The following KALRN variants were observed in gnomAD, a reference collection of about 807,000 sequenced individuals.
KALRN encodes the protein kalirin.
In KALRN, 70 loss-of-function variants were observed where a neutral mutation model predicts 353.7. The observed-to-expected ratio is 0.20, with a 90% CI of 0.16 to 0.24. The LOEUF is 0.24. Ranked by LOEUF, KALRN falls within the 10% of genes least tolerant of loss-of-function variation. The pLI, the probability that KALRN is intolerant of heterozygous loss-of-function variation, is 1.00. For missense variants in KALRN, 2,791 were observed against 3,756.7 expected, an observed-to-expected ratio of 0.74 and a Z score of 6.72; for synonymous variants, 1,391 against 1,434.8, an observed-to-expected ratio of 0.97 and a Z score of 0.69.
At chr3:124,641,752 C>G (rs1318965675) in intron 37 of KALRN, among the ~76,000 whole-genome samples, 1 of 152,214 alleles carries the variant, frequency 6.6e-6, no homozygotes, top group Non-Finnish European at 1.5e-5. Context: ...TCATCCTTAT[C>G]TCCTGTAGCT....
intron 1 of KALRN, among the ~76,000 whole-genome samples, chr3:124,111,059 C>T (rs750606736): frequency 6.6e-6 from 1 of 152,170 alleles, no homozygotes; most frequent in Non-Finnish European, 1.5e-5. Flanking sequence ...CCTAGAAATT[C>T]TTTATCTTGT....
chr3:124,428,979 A>G (rs933434980), intron 15 of KALRN, among the ~76,000 whole-genome samples: 1 of 152,226 alleles, frequency 6.6e-6, no homozygotes, highest in South Asian at 2.1e-4. Flanking sequence ...GCAGTGAATC[A>G]TGGCAGAGGG....
chr3:124,595,955 G>A (rs957528335), intron 34 of KALRN, among the ~76,000 whole-genome samples: 9 of 152,160 alleles, frequency 5.9e-5, no homozygotes, highest in Non-Finnish European at 1.0e-4. Context: ...TGATGATTAC[G>A]AACTTGGAAT....
chr3:124,175,686 C>T (rs952709587), intron 1 of KALRN, among the ~76,000 whole-genome samples: 1 of 151,294 alleles, frequency 6.6e-6, no homozygotes, highest in South Asian at 2.1e-4. Flanking sequence ...TGGAGATGTG[C>T]GCTGCCCAGG....
intron 1 of KALRN, among the ~76,000 whole-genome samples, chr3:124,045,049 A>G (rs1383719865): frequency 6.6e-6 from 1 of 152,118 alleles, no homozygotes; most frequent in Non-Finnish European, 1.5e-5. Flanking sequence ...TCCATCTTTT[A>G]TACTCTTACC....
chr3:124,445,509 A>G (rs2093807500), intron 19 of KALRN, among the ~76,000 whole-genome samples: 1 of 152,208 alleles, frequency 6.6e-6, no homozygotes. Flanking sequence ...ATATACACTC[A>G]TTTAACACCA....
At chr3:124,400,128 A>C (rs1417628061) in intron 13 of KALRN, among the ~76,000 whole-genome samples, 1 of 151,972 alleles carries the variant, frequency 6.6e-6, no homozygotes, top group African/African-American at 2.4e-5. Flanking sequence ...GAACAGCTTT[A>C]GAAGGAATTT....
At chr3:124,468,018 G>A (rs1363523722) in intron 25 of KALRN, among the ~76,000 whole-genome samples, 1 of 151,912 alleles carries the variant, frequency 6.6e-6, no homozygotes. Context: ...TAGGGAAAGG[G>A]GAGGGGATGA....
chr3:124,674,772 G>A, intron 49 of KALRN, 158 bp downstream of exon 49: 1 of 678,276 alleles, frequency 1.5e-6, no homozygotes. Flanking sequence ...GACACCATAT[G>A]CAACATGGGG....
At position 124,427,913 on chromosome 3, in the gene KALRN, C is replaced by T. The variant is rs116471937; in HGVS notation, c.2710-2743C>T. 1.6e-3 allele frequency among the ~76,000 whole-genome samples: 243 copies of T among 152,258 alleles called. 1 individual carries two copies. The highest frequency in any genetic ancestry group is 5.7e-3 in the African/African-American group (238 of 41,552). ...TATTCATTTTACAGTTTGAAAAATG[C>T]TTTTACATTAATTATTTTATTTTCT... On this transcript the variant is annotated intron_variant, in intron 15 of 59. Coordinates refer to ENST00000682506, the MANE Select transcript of KALRN (RefSeq NM_001388419.1).
intron 34 of KALRN, among the ~76,000 whole-genome samples, chr3:124,607,731 C>T (rs141418396): frequency 3.4e-4 from 51 of 151,846 alleles, no homozygotes; most frequent in African/African-American, 1.2e-3. Context: ...ATTCTCCTGC[C>T]TCAGCCTCTC....
At chr3:124,336,973 A>G (rs2081196017) in intron 9 of KALRN, among the ~76,000 whole-genome samples, 1 of 152,154 alleles carries the variant, frequency 6.6e-6, no homozygotes, top group Admixed American at 6.5e-5. Context: ...ATTTTTGCAC[A>G]TTCCAGAATT....
intron 9 of KALRN, among the ~76,000 whole-genome samples, chr3:124,346,684 A>G (rs1027662507): frequency 6.6e-6 from 1 of 152,176 alleles, no homozygotes; most frequent in African/African-American, 2.4e-5. Flanking sequence ...GAGCACAATG[A>G]GGCAGGATCC....
chr3:124,534,724 T>C (rs1057018568), intron 33 of KALRN, among the ~76,000 whole-genome samples: 4 of 152,116 alleles, frequency 2.6e-5, no homozygotes, highest in African/African-American at 9.7e-5. Flanking sequence ...AAGGAAGATA[T>C]GAGGTGTCTA....
In KALRN at chr3:124,430,593, A is replaced by T. The variant is rs1053035071; in HGVS notation, c.2710-63A>T. 28 of 1,587,588 alleles carry T rather than the reference A, an allele frequency of 1.8e-5. No homozygotes were observed. In the Admixed American group the frequency reaches 4.4e-4, roughly 25 times the overall value. On this transcript the variant is annotated intron_variant, in intron 15 of 59. Coordinates refer to ENST00000682506, the MANE Select transcript of KALRN (RefSeq NM_001388419.1). The stretch of plus-strand genomic sequence containing the variant: ...CTCCAACTGAAGTCCCCATGAGAGG[A>T]GGCAACAGCTCTGGGGAAACTGCGG...
chr3:124,614,885 A>G (rs968388356), intron 34 of KALRN, among the ~76,000 whole-genome samples: 2 of 152,140 alleles, frequency 1.3e-5, no homozygotes, highest in Non-Finnish European at 2.9e-5. Flanking sequence ...CACCTTCATT[A>G]TACACTGTTC....
At chr3:124,298,751 T>A in intron 5 of KALRN, 40 bp from the exon 6 acceptor site, 1 of 1,613,452 alleles carries the variant, frequency 6.2e-7, no homozygotes. Context: ...ATTCGACCCA[T>A]GACCATTCTG....
At chr3:124,034,344 C>T (rs888861683) in intron 1 of KALRN, among the ~76,000 whole-genome samples, 1 of 152,142 alleles carries the variant, frequency 6.6e-6, no homozygotes, top group African/African-American at 2.4e-5. Context: ...ATCGGTCTCG[C>T]CTGGTGCGTG....
chr3:124,663,385 G>T (rs2085144208), intron 45 of KALRN, among the ~76,000 whole-genome samples: 1 of 152,208 alleles, frequency 6.6e-6, no homozygotes, highest in Non-Finnish European at 1.5e-5. Flanking sequence ...GATTTTAGGG[G>T]CTAGGACTTC....
Sources: gnomAD v4.1 joint callset for allele counts (sites outside exome capture counted in the v4.1 genomes callset) on GRCh38, gnomAD v4.1.1 for gene constraint, MANE v1.5 for transcripts, NCBI Gene and HGNC (gene_info 2026-07-23, HGNC 2026-07-21) for gene names.